The following PCDHGC4 variants were observed in gnomAD, a reference collection of about 807,000 sequenced individuals.
PCDHGC4 encodes the protein protocadherin gamma-C4.
Under a neutral mutation model 59.7 loss-of-function variants are expected in PCDHGC4, and 15 were observed. That is an observed-to-expected ratio of 0.25 (90% CI 0.17 to 0.39). The LOEUF is 0.39. PCDHGC4 is among the 10% of genes least tolerant of loss of function. The pLI is 1.00. For synonymous variants in PCDHGC4, 434 were observed against 481.4 expected (o/e 0.90, Z 1.29); for missense variants, 1,016 against 1,189.5 (o/e 0.85, Z 2.15).
In PCDHGC4 at chr5:141,486,657, T is replaced by G. The variant is rs1171065175; in HGVS notation, c.1484T>G (p.Leu495Arg). The change falls in exon 1 of 4, where the codon CTG (leucine) becomes CGG (arginine). Residue 495 changes from leucine (L) to arginine (R), a missense_variant. Transcript: ENST00000306593. The surrounding 1 kb of genome is among the most constrained non-coding windows in gnomAD (Gnocchi z 5.0). ...AATGCGCTTATCTCCTACTCACTCC[T>G]GGAGCCCAGGAATCGAGATGTATCA... ...GLNALISYSL[L>R]EPRNRDVSAS... 3 of 1,614,010 alleles carry G rather than the reference T, an allele frequency of 1.9e-6. No homozygotes were observed. Among genetic ancestry groups the G allele is most frequent in the Non-Finnish European group, 2.5e-6 (3 of 1,180,030 alleles).
intron 3 of PCDHGC4, among the ~76,000 whole-genome samples, chr5:141,507,891 C>A (rs1031803854): frequency 6.6e-6 from 1 of 152,208 alleles, no homozygotes; most frequent in African/African-American, 2.4e-5. Flanking sequence ...AGAGAGGTTC[C>A]TGAAGTCCAG....
Position 141,491,436 on chromosome 5 carries a change from G to A in PCDHGC4, c.2443-3371G>A, listed in dbSNP as rs771884610. ...ACGGGGGTGGAGGGCAGTGCTGCAG[G>A]CGCCAGGACTCACCCTCCCCGGACT... On this transcript the variant is annotated intron_variant, in intron 1 of 3. Coordinates refer to ENST00000306593, the MANE Select transcript of PCDHGC4 (RefSeq NM_018928.3). This position sits in a 1 kb window ranked among gnomAD's most constrained non-coding sequence, Gnocchi z 6.9. 1 of 1,614,070 alleles carries A rather than the reference G, an allele frequency of 6.2e-7. No individual in the cohort carries two copies. The highest frequency in any genetic ancestry group is 8.5e-7 in the Non-Finnish European group (1 of 1,180,034).
Position 141,491,029 on chromosome 5 carries a change from G to T in PCDHGC4, c.2442+3414G>T. 1 of 1,614,172 alleles carries T rather than the reference G, an allele frequency of 6.2e-7. No homozygotes were observed. The highest frequency in any genetic ancestry group is 1.1e-5 in the South Asian group (1 of 91,088). On this transcript the variant is annotated intron_variant, in intron 1 of 3. Coordinates refer to ENST00000306593, the MANE Select transcript of PCDHGC4 (RefSeq NM_018928.3). The surrounding 1 kb of genome is among the most constrained non-coding windows in gnomAD (Gnocchi z 6.9). ...GGTCACCAAGGTGACAGCCGTGGAT[G>T]CTGATGCAGGCCACAATGCGTGGCT...
chr5:141,486,391 C>T lies in PCDHGC4; in HGVS notation c.1218C>T (p.Ser406=). The T allele has an allele frequency of 6.2e-7, 1 of 1,614,112 alleles. No individual in the cohort carries two copies. The highest frequency in any genetic ancestry group is 8.5e-7 in the Non-Finnish European group (1 of 1,179,984). ...ALKSAFRNQF[S]LVTAGPLDRE... Reference sequence around the variant, plus strand: ...AGTCTGCCTTCAGGAACCAGTTCTCCCTGGTGACTGCTGGACCCTTGGATC... The same window carrying T: ...AGTCTGCCTTCAGGAACCAGTTCTCTCTGGTGACTGCTGGACCCTTGGATC... Residue 406 remains serine (S), a synonymous_variant, in exon 1 of 4, where the codon TCC becomes TCT. Transcript: ENST00000306593. The surrounding 1 kb of genome is among the most constrained non-coding windows in gnomAD (Gnocchi z 5.0).
In PCDHGC4 at chr5:141,486,217, T is replaced by C; in HGVS notation, c.1044T>C (p.Pro348=). ...VDLLDVNDNA[P]YITVTSELGT... is the part of the protein sequence containing the mutation. ...TGCTGGACGTAAATGACAATGCCCC[T>C]TACATCACAGTGACCTCAGAGCTTG... The change falls in exon 1 of 4, where the codon CCT becomes CCC. Residue 348 remains proline, a synonymous_variant. Coordinates refer to ENST00000306593, the MANE Select transcript of PCDHGC4 (RefSeq NM_018928.3). The surrounding 1 kb of genome is among the most constrained non-coding windows in gnomAD (Gnocchi z 5.0). The C allele has an allele frequency of 6.2e-7, 1 of 1,614,120 alleles. No homozygotes were observed.
chr5:141,500,434 C>T (rs1216731905), intron 2 of PCDHGC4, among the ~76,000 whole-genome samples: 1 of 152,014 alleles, frequency 6.6e-6, no homozygotes, highest in Non-Finnish European at 1.5e-5. Flanking sequence ...TGGTCTCGAT[C>T]TCCTGACCTC....
At chr5:141,498,919 C>T (rs897611505) in intron 2 of PCDHGC4, among the ~76,000 whole-genome samples, 34 of 122,310 alleles carry the variant, frequency 2.8e-4, no homozygotes, top group African/African-American at 3.4e-4. Flanking sequence ...GGTGACAGAG[C>T]GAGACTCCAT....
At chr5:141,494,682 C>G (rs1282135022) in intron 1 of PCDHGC4, 125 bp from the exon 2 acceptor site, 16 of 1,564,362 alleles carry the variant, frequency 1.0e-5, no homozygotes, top group African/African-American at 1.4e-5. Context: ...ACCCCTGCCC[C>G]CTCTTAGTCC....
chr5:141,491,034 T>A lies in PCDHGC4; in HGVS notation c.2442+3419T>A. On this transcript the variant is annotated intron_variant, in intron 1 of 3. Coordinates refer to ENST00000306593, the MANE Select transcript of PCDHGC4 (RefSeq NM_018928.3). This position sits in a 1 kb window ranked among gnomAD's most constrained non-coding sequence, Gnocchi z 6.9. ...CCAAGGTGACAGCCGTGGATGCTGA[T>A]GCAGGCCACAATGCGTGGCTCTCCT... 1 of 1,614,170 alleles carries A rather than the reference T, an allele frequency of 6.2e-7. No individual in the cohort carries two copies. Among genetic ancestry groups the A allele is most frequent in the African/African-American group, 1.3e-5 (1 of 75,074 alleles).
chr5:141,497,131 A>G (rs1269110126), intron 2 of PCDHGC4, among the ~76,000 whole-genome samples: 3 of 152,122 alleles, frequency 2.0e-5, no homozygotes, highest in Admixed American at 6.6e-5. Flanking sequence ...GGTTGCAGTG[A>G]GCTGAGATCA....
rs1386791249 is a variant in PCDHGC4 at position 141,511,417 on chromosome 5, G to A, written c.*244G>A. 1.2e-6 allele frequency: 1 copy of A among 835,942 alleles called. No homozygotes were observed. Among genetic ancestry groups the A allele is most frequent in the African/African-American group, 1.7e-5 (1 of 58,154 alleles). The allele number at this position is 835,942 out of a possible 1,614,324, so 51.8% of individuals were successfully genotyped here. A position where few individuals can be genotyped will look rare whatever the true frequency, so the allele number is the denominator to read the frequency against. The stretch of plus-strand genomic sequence containing the variant: ...CCATCCAATCAACTGCTGTACCCAT[G>A]GGGGTAGTGGGGTTACTGTAGACAC... On this transcript the variant is annotated 3_prime_UTR_variant, in exon 4 of 4. Transcript: ENST00000306593.
Position 141,487,306 on chromosome 5 carries a change from ACT to A in PCDHGC4, c.2138_2139del (p.Ser713Ter). 1 of 1,613,414 alleles carries A rather than the reference ACT, an allele frequency of 6.2e-7. No individual in the cohort carries two copies. The highest frequency in any genetic ancestry group is 8.5e-7 in the Non-Finnish European group (1 of 1,179,874). ...TCTCCTTTGGCTCATTCGTGGCACT[ACT>A]CTCTAAGTGTCTTCGTGGGGCAGCC... ...FVSFGSFVAL[L>X]SKCLRGAACG... On this transcript the variant is annotated frameshift_variant, in exon 1 of 4. Coordinates refer to ENST00000306593, the MANE Select transcript of PCDHGC4 (RefSeq NM_018928.3). LOFTEE classifies it high-confidence loss of function. The surrounding 1 kb of genome is among the most constrained non-coding windows in gnomAD (Gnocchi z 5.0).
chr5:141,490,589 A>G lies in PCDHGC4; in HGVS notation c.2442+2974A>G, dbSNP rs761250654. On this transcript the variant is annotated intron_variant, in intron 1 of 3. Transcript: ENST00000306593. The surrounding 1 kb of genome is among the most constrained non-coding windows in gnomAD (Gnocchi z 5.4). ...CTCAACATTTCAGATGTCAATGACA[A>G]TGCACCCCGCTTCAACCAGCAGCTT... The G allele has an allele frequency of 5.7e-5, 92 of 1,614,042 alleles. No individual in the cohort carries two copies. Among genetic ancestry groups the G allele is most frequent in the Non-Finnish European group, 7.6e-5 (90 of 1,180,036 alleles).
chr5:141,492,471 C>T (rs937691695), intron 1 of PCDHGC4, among the ~76,000 whole-genome samples: 8 of 152,240 alleles, frequency 5.3e-5, no homozygotes, highest in Non-Finnish European at 1.0e-4. Flanking sequence ...GGTCCCAGAT[C>T]GCGGCCGCCC....
chr5:141,493,204 C>T lies in PCDHGC4; in HGVS notation c.2443-1603C>T, dbSNP rs2099746929. Among the ~76,000 whole-genome samples, 1 of 152,216 alleles carries T rather than the reference C, an allele frequency of 6.6e-6. No individual in the cohort carries two copies. Among genetic ancestry groups the T allele is most frequent in the Non-Finnish European group, 1.5e-5 (1 of 68,042 alleles). Reference sequence around the variant, plus strand: ...TATATAACTCCTTTGAGAACCTCATCTCATTTGCTCTTCCCACCATTGCTG... The same window carrying T: ...TATATAACTCCTTTGAGAACCTCATTTCATTTGCTCTTCCCACCATTGCTG... On this transcript the variant is annotated intron_variant, in intron 1 of 3. Transcript: ENST00000306593. This position sits in a 1 kb window ranked among gnomAD's most constrained non-coding sequence, Gnocchi z 4.3.
intron 2 of PCDHGC4, among the ~76,000 whole-genome samples, chr5:141,504,926 TGGTG>T (rs1312481961): frequency 1.3e-5 from 2 of 151,946 alleles, no homozygotes; most frequent in Non-Finnish European, 2.9e-5. Context: ...GGCTCTCTCA[TGGTG>T]GGTGGGGGAA....
intron 1 of PCDHGC4, among the ~76,000 whole-genome samples, chr5:141,488,600 A>G (rs2099677400): frequency 6.6e-6 from 1 of 152,166 alleles, no homozygotes; most frequent in Admixed American, 6.5e-5. Flanking sequence ...AAGACTTTAC[A>G]AGGTTCTTAC....
Position 141,489,424 on chromosome 5 carries a change from C to T in PCDHGC4, c.2442+1809C>T, listed in dbSNP as rs758049228. The T allele has an allele frequency of 5.0e-5, 80 of 1,613,958 alleles. No homozygotes were observed. In the Admixed American group the frequency reaches 1.1e-3, roughly 23 times the overall value. On this transcript the variant is annotated intron_variant, in intron 1 of 3. Coordinates refer to ENST00000306593, the MANE Select transcript of PCDHGC4 (RefSeq NM_018928.3). The surrounding 1 kb of genome is among the most constrained non-coding windows in gnomAD (Gnocchi z 4.5). ...CTTAAAGATGACAGATCTGTTGAGC[C>T]GGCGGCTGCAATTGGGCTCTGAGGA...
Position 141,490,480 on chromosome 5 carries a change from C to G in PCDHGC4, c.2442+2865C>G. On this transcript the variant is annotated intron_variant, in intron 1 of 3. Coordinates refer to ENST00000306593, the MANE Select transcript of PCDHGC4 (RefSeq NM_018928.3). This position sits in a 1 kb window ranked among gnomAD's most constrained non-coding sequence, Gnocchi z 5.4. The stretch of plus-strand genomic sequence containing the variant: ...GCTGCTAACCAGCCAGCCTTTGGAC[C>G]GGGAGGCCACATCCCACTATATCAT... 2.5e-6 allele frequency: 4 copies of G among 1,614,194 alleles called. No homozygotes were observed. The highest frequency in any genetic ancestry group is 3.4e-6 in the Non-Finnish European group (4 of 1,180,050).
Sources: gnomAD v4.1 joint callset for allele counts (sites outside exome capture counted in the v4.1 genomes callset) on GRCh38, gnomAD v4.1.1 for gene constraint, Gnocchi (gnomAD v3.1) non-coding constraint, MANE v1.5 for transcripts, NCBI Gene and HGNC (gene_info 2026-07-23, HGNC 2026-07-21) for gene names.